Variants in CHODL observed in about 807,000 individuals in gnomAD.
CHODL encodes chondrolectin.
In CHODL, 29 loss-of-function variants were observed where a neutral mutation model predicts 34.5. The ratio of observed to expected loss-of-function variants is 0.84; its 90% CI spans 0.63 to 1.15. The LOEUF (loss-of-function observed/expected upper bound fraction) is 1.15. CHODL is among the 50% of genes most tolerant of loss of function. CHODL has a pLI of 0.00. For synonymous variants in CHODL, 125 were observed against 116.1 expected (o/e 1.08, Z -0.49); for missense variants, 332 against 332.5 (o/e 1.00, Z 0.01).
chr21:18,230,471 G>A (rs980866989), intron 2 of CHODL, among the ~76,000 whole-genome samples: 2 of 152,004 alleles, frequency 1.3e-5, no homozygotes, highest in African/African-American at 4.8e-5. Flanking sequence ...ATTAAGAAGG[G>A]GAAAGAGGAA....
At chr21:18,265,288 T>TACACACAC (rs563361586) in intron 5 of CHODL, among the ~76,000 whole-genome samples, 2 of 139,922 alleles carry the variant, frequency 1.4e-5, no homozygotes, top group South Asian at 2.3e-4. Flanking sequence ...TGTATATATA[T>TACACACAC]ACACACACAC....
At chr21:18,017,158 T>C (rs1333704301) in intron 1 of CHODL, among the ~76,000 whole-genome samples, 1 of 152,070 alleles carries the variant, frequency 6.6e-6, no homozygotes, top group Non-Finnish European at 1.5e-5. Flanking sequence ...AAAGGCATGA[T>C]TGTGTTTTGA....
intron 2 of CHODL, among the ~76,000 whole-genome samples, chr21:18,095,643 A>G (rs532826426): frequency 1.3e-5 from 2 of 152,324 alleles, no homozygotes; most frequent in South Asian, 4.1e-4. Flanking sequence ...AGTATTTCCA[A>G]ACTCATTCTA....
rs1309715738 is a variant in CHODL at position 18,251,436 on chromosome 21, AAT to A, written c.80-5067_80-5066del. On this transcript the variant is annotated intron_variant, in intron 1 of 5. Transcript: ENST00000299295. Reference sequence around the variant, plus strand: ...TTTATTTATTTTATTTATTTATTTTAATATATAAAAATACATATTTATTTTAT... The same window carrying A: ...TTTATTTATTTTATTTATTTATTTTAATATAAAAATACATATTTATTTTAT... Among the ~76,000 whole-genome samples, 78 of 108,824 alleles carry A rather than the reference AAT, an allele frequency of 7.2e-4. 3 individuals carry two copies. Among genetic ancestry groups the A allele is most frequent in the African/African-American group, 2.1e-3 (64 of 30,936 alleles). 71.4% of individuals were successfully genotyped at this position (108,824 alleles called of 152,430 possible).
chr21:17,935,921 C>T (rs2063315406), intron 1 of CHODL, among the ~76,000 whole-genome samples: 1 of 152,142 alleles, frequency 6.6e-6, no homozygotes, highest in Non-Finnish European at 1.5e-5. Context: ...TGATGAGTGC[C>T]ACATCTAAGC....
chr21:17,983,772 C>T (rs534223822), intron 1 of CHODL, among the ~76,000 whole-genome samples: 8 of 152,024 alleles, frequency 5.3e-5, no homozygotes, highest in East Asian at 3.9e-4. Context: ...ATATAATAAC[C>T]GCACATATTT....
intron 1 of CHODL, among the ~76,000 whole-genome samples, chr21:17,979,522 G>C (rs1388072434): frequency 6.6e-6 from 1 of 151,998 alleles, no homozygotes; most frequent in African/African-American, 2.4e-5. Context: ...TGTTCATTTG[G>C]AATGCATTTT....
intron 2 of CHODL, among the ~76,000 whole-genome samples, chr21:18,168,024 C>CAAA (rs2073178715): frequency 6.6e-6 from 1 of 152,172 alleles, no homozygotes; most frequent in Admixed American, 6.5e-5. Flanking sequence ...CTTCTGGCCT[C>CAAA]CATCTTTCTC....
At chr21:18,230,830 T>C (rs1248628805) in intron 2 of CHODL, among the ~76,000 whole-genome samples, 1 of 152,172 alleles carries the variant, frequency 6.6e-6, no homozygotes, top group African/African-American at 2.4e-5. Flanking sequence ...TTTGTCATTA[T>C]AGACTAAAAT....
intron 2 of CHODL, among the ~76,000 whole-genome samples, chr21:18,171,198 G>GTTCTTTTTTT (rs1333481522): frequency 0.077 from 2,854 of 37,028 alleles, 1,347 homozygotes; most frequent in East Asian, 0.36. Context: ...GTTTTCTTTA[G>GTTCTTTTTTT]TTTTTTTTTT....
intron 1 of CHODL, among the ~76,000 whole-genome samples, chr21:17,947,411 C>T (rs1402680035): frequency 6.6e-6 from 1 of 151,996 alleles, no homozygotes; most frequent in Admixed American, 6.6e-5. Context: ...AGCTCCCAAA[C>T]AGCAAAAGAA....
chr21:18,249,743 C>T (rs2074212785), intron 1 of CHODL, among the ~76,000 whole-genome samples: 1 of 152,126 alleles, frequency 6.6e-6, no homozygotes, highest in Non-Finnish European at 1.5e-5. Context: ...CCAGCTTCAG[C>T]ACTTGTGAGC....
chr21:18,088,316 T>C (rs772984134), intron 2 of CHODL, among the ~76,000 whole-genome samples: 4 of 152,154 alleles, frequency 2.6e-5, no homozygotes, highest in Non-Finnish European at 5.9e-5. Flanking sequence ...TCCAGGGGTG[T>C]GTGAGAGTCT....
At chr21:17,965,911 ATT>A (rs34819022) in intron 1 of CHODL, among the ~76,000 whole-genome samples, 4 of 144,982 alleles carry the variant, frequency 2.8e-5, no homozygotes, top group African/African-American at 5.0e-5. Flanking sequence ...AGAGAAGGTA[ATT>A]TTTTTTTTTT....
chr21:18,257,210 G>T, intron 3 of CHODL, 83 bp downstream of exon 3: 1 of 1,285,072 alleles, frequency 7.8e-7, no homozygotes, highest in Non-Finnish European at 1.1e-6. Flanking sequence ...GACTACCTGT[G>T]GCTCTTTTTG....
At chr21:18,094,637 G>T (rs767925283) in intron 2 of CHODL, among the ~76,000 whole-genome samples, 1 of 149,244 alleles carries the variant, frequency 6.7e-6, no homozygotes, top group South Asian at 2.1e-4. Context: ...GAAGGAAATC[G>T]AAAACTTTCT....
intron 1 of CHODL, among the ~76,000 whole-genome samples, chr21:17,919,561 C>T (rs144015133): frequency 6.6e-6 from 1 of 152,078 alleles, no homozygotes; most frequent in African/African-American, 2.4e-5. Flanking sequence ...CCCACGAAAC[C>T]ATTTTTTCCT....
chr21:17,994,139 C>T (rs1280726927), intron 1 of CHODL, among the ~76,000 whole-genome samples: 2 of 55,458 alleles, frequency 3.6e-5, no homozygotes, highest in Non-Finnish European at 6.7e-5. Context: ...TTGTTTTCTT[C>T]CTCTAATTTT....
intron 2 of CHODL, among the ~76,000 whole-genome samples, chr21:18,196,973 G>A (rs958733224): frequency 6.6e-6 from 1 of 151,988 alleles, no homozygotes; most frequent in Non-Finnish European, 1.5e-5. Context: ...ATGTTCTCAC[G>A]ACACACACCC....
Sources: allele counts gnomAD v4.1 joint callset (sites outside exome capture counted in the v4.1 genomes callset), GRCh38; gene constraint gnomAD v4.1.1; transcripts MANE v1.5; gene names NCBI Gene and HGNC (gene_info 2026-07-23, HGNC 2026-07-21).